HDGFL3: variants seen among roughly 807,000 people sequenced by gnomAD.
The protein encoded by HDGFL3 is hepatoma-derived growth factor-related protein 3.
In HDGFL3, 6 loss-of-function variants were observed where a neutral mutation model predicts 27.6. The observed-to-expected ratio is 0.22, with a 90% CI of 0.12 to 0.43. The LOEUF is 0.43. Ranked by LOEUF, HDGFL3 falls within the 20% of genes least tolerant of loss-of-function variation. The pLI, the probability that HDGFL3 is intolerant of heterozygous loss-of-function variation, is 1.00. For missense variants in HDGFL3, 207 were observed against 250.1 expected (o/e 0.83, Z 1.16); for synonymous variants, 88 against 88.9 (o/e 0.99, Z 0.05).
Position 83,207,210 on chromosome 15 carries a change from T to A in HDGFL3, c.84+121A>T. 3.2e-6 allele frequency: 2 copies of A among 634,538 alleles called. No homozygotes were observed. The highest frequency in any genetic ancestry group is 4.6e-6 in the Non-Finnish European group (2 of 437,464). 39.3% of individuals were successfully genotyped at this position (634,538 alleles called of 1,614,324 possible). A position where few individuals can be genotyped will look rare whatever the true frequency, so the allele number is the denominator to read the frequency against. On this transcript the variant is annotated intron_variant, in intron 1 of 5. Transcript: ENST00000299633. This position sits in a 1 kb window ranked among gnomAD's most constrained non-coding sequence, Gnocchi z 4.8. ...CTTCGTGCCGCGCCGCCCTCAGCCC[T>A]CACCACAGCCGGCCGCGAGCTGCGG...
intron 1 of HDGFL3, among the ~76,000 whole-genome samples, chr15:83,199,482 T>A (rs961601737): frequency 6.6e-6 from 1 of 152,274 alleles, no homozygotes; most frequent in African/African-American, 2.4e-5. Flanking sequence ...TATTTTGCAA[T>A]AGAAACTGAG....
chr15:83,204,019 A>G (rs1261688299), intron 1 of HDGFL3, among the ~76,000 whole-genome samples: 1 of 146,260 alleles, frequency 6.8e-6, no homozygotes, highest in Non-Finnish European at 1.5e-5. Flanking sequence ...AATTAGGCAT[A>G]CTAGATGAGA....
chr15:83,164,466 T>C (rs184603439), intron 1 of HDGFL3, among the ~76,000 whole-genome samples: 72 of 146,972 alleles, frequency 4.9e-4, no homozygotes, highest in Admixed American at 9.6e-4. Flanking sequence ...AAATAATGCA[T>C]AACAGAATTA....
chr15:83,189,119 C>T (rs929110191), intron 1 of HDGFL3, among the ~76,000 whole-genome samples: 3 of 152,128 alleles, frequency 2.0e-5, no homozygotes, highest in African/African-American at 7.2e-5. Context: ...CTACCCCATC[C>T]CTATCTACTC....
At chr15:83,163,736 A>G (rs1217265521) in intron 2 of HDGFL3, 2 of 402,446 alleles carry the variant, frequency 5.0e-6, no homozygotes, top group Non-Finnish European at 8.9e-6. Flanking sequence ...AGGACTTAAA[A>G]GTGTCCTAGA....
chr15:83,181,662 G>A (rs1469069600), intron 1 of HDGFL3, among the ~76,000 whole-genome samples: 1 of 152,180 alleles, frequency 6.6e-6, no homozygotes, highest in African/African-American at 2.4e-5. Context: ...TTTTAGTAGA[G>A]AAAGGGTTTC....
intron 1 of HDGFL3, among the ~76,000 whole-genome samples, chr15:83,202,400 A>T (rs938878246): frequency 6.6e-6 from 1 of 152,174 alleles, no homozygotes; most frequent in African/African-American, 2.4e-5. Flanking sequence ...TTAAAGGAAG[A>T]GAAAGACACT....
chr15:83,169,588 G>C (rs1276726443), intron 1 of HDGFL3, among the ~76,000 whole-genome samples: 1 of 151,938 alleles, frequency 6.6e-6, no homozygotes, highest in Non-Finnish European at 1.5e-5. Context: ...GGTAACTTGA[G>C]GTCAGGAGTT....
intron 1 of HDGFL3, among the ~76,000 whole-genome samples, chr15:83,206,537 G>A (rs962066389): frequency 1.3e-5 from 2 of 152,198 alleles, no homozygotes; most frequent in Non-Finnish European, 1.5e-5. Context: ...TCTAGAAAAA[G>A]AGCCCAACGA....
At position 83,157,399 on chromosome 15, in the gene HDGFL3, G is replaced by A. The variant is rs1418922492; in HGVS notation, c.459+16C>T. ...ATGCATATAACATTAATAACAATGA[G>A]AAGTTTCTTAGTAACCTTTGAAGTA... On this transcript the variant is annotated intron_variant, in intron 4 of 5. Transcript: ENST00000299633. The A allele has an allele frequency of 5.0e-6, 8 of 1,607,802 alleles. No individual in the cohort carries two copies. Among genetic ancestry groups the A allele is most frequent in the Non-Finnish European group, 6.8e-6 (8 of 1,174,986 alleles).
intron 3 of HDGFL3, chr15:83,119,694 A>C (rs1596489394): frequency 6.2e-7 from 1 of 1,613,954 alleles, no homozygotes; most frequent in Non-Finnish European, 8.5e-7. Context: ...AAGTCAGTTC[A>C]CCTGGTGTGT....
At chr15:83,162,095 C>A (rs1161719421) in intron 2 of HDGFL3, among the ~76,000 whole-genome samples, 3 of 152,164 alleles carry the variant, frequency 2.0e-5, no homozygotes, top group Non-Finnish European at 4.4e-5. Context: ...TTTTCACATA[C>A]CTCCCCTGCA....
chr15:83,118,170 G>A (rs1338494319), intron 3 of HDGFL3, among the ~76,000 whole-genome samples: 1 of 152,032 alleles, frequency 6.6e-6, no homozygotes, highest in Non-Finnish European at 1.5e-5. Flanking sequence ...AGACTGCAGT[G>A]AGCAATGATC....
At position 83,207,286 on chromosome 15, in the gene HDGFL3, G is replaced by A; in HGVS notation, c.84+45C>T. 1 of 1,263,628 alleles carries A rather than the reference G, an allele frequency of 7.9e-7. No individual in the cohort carries two copies. Among genetic ancestry groups the A allele is most frequent in the Non-Finnish European group, 1.0e-6 (1 of 978,662 alleles). 78.3% of individuals were successfully genotyped at this position (1,263,628 alleles called of 1,614,324 possible). On this transcript the variant is annotated intron_variant, in intron 1 of 5. Transcript: ENST00000299633. This position sits in a 1 kb window ranked among gnomAD's most constrained non-coding sequence, Gnocchi z 4.8. Reference sequence around the variant, plus strand: ...GGGGGCGGGCGCGCCATCATGAAGGGGAAAATGGTGGGCGGGCGGGCCCGC... The same window carrying A: ...GGGGGCGGGCGCGCCATCATGAAGGAGAAAATGGTGGGCGGGCGGGCCCGC...
At chr15:83,199,012 T>G (rs1249892254) in intron 1 of HDGFL3, among the ~76,000 whole-genome samples, 1 of 152,160 alleles carries the variant, frequency 6.6e-6, no homozygotes, top group Admixed American at 6.5e-5. Context: ...TAGGTTACAG[T>G]CAAAAAACCT....
At chr15:83,196,194 T>C (rs2037569339) in intron 1 of HDGFL3, among the ~76,000 whole-genome samples, 1 of 151,858 alleles carries the variant, frequency 6.6e-6, no homozygotes, top group Non-Finnish European at 1.5e-5. Flanking sequence ...TCAATATATT[T>C]ATATTTGTCC....
In HDGFL3 at chr15:83,207,143, G is replaced by C. The variant is rs910336219; in HGVS notation, c.84+188C>G. On this transcript the variant is annotated intron_variant, in intron 1 of 5. Transcript: ENST00000299633. This position sits in a 1 kb window ranked among gnomAD's most constrained non-coding sequence, Gnocchi z 4.8. ...AAGGATGGCCGCCCTGGCGGAGTGC[G>C]GGCGAGGCCGGGAGCCCTTGCCTCA... 1.3e-5 allele frequency among the ~76,000 whole-genome samples: 2 copies of C among 152,168 alleles called. No individual in the cohort carries two copies. The highest frequency in any genetic ancestry group is 2.9e-5 in the Non-Finnish European group (2 of 68,022).
In HDGFL3 at chr15:83,207,285, G is replaced by T; in HGVS notation, c.84+46C>A. On this transcript the variant is annotated intron_variant, in intron 1 of 5. Transcript: ENST00000299633. The surrounding 1 kb of genome is among the most constrained non-coding windows in gnomAD (Gnocchi z 4.8). Reference sequence around the variant, plus strand: ...AGGGGGCGGGCGCGCCATCATGAAGGGGAAAATGGTGGGCGGGCGGGCCCG... The same window carrying T: ...AGGGGGCGGGCGCGCCATCATGAAGTGGAAAATGGTGGGCGGGCGGGCCCG... The T allele has an allele frequency of 1.6e-6, 2 of 1,259,846 alleles. No homozygotes were observed. Among genetic ancestry groups the T allele is most frequent in the Non-Finnish European group, 2.0e-6 (2 of 976,432 alleles). The allele number at this position is 1,259,846 out of a possible 1,614,324, so 78.0% of individuals were successfully genotyped here. A position where few individuals can be genotyped will look rare whatever the true frequency, so the allele number is the denominator to read the frequency against.
chr15:83,152,038 T>C (rs149734354), intron 4 of HDGFL3, among the ~76,000 whole-genome samples: 2 of 152,324 alleles, frequency 1.3e-5, no homozygotes, highest in African/African-American at 4.8e-5. Context: ...CTTGGCAGCA[T>C]TGCATTAAAA....
Sources: allele counts gnomAD v4.1 joint callset (sites outside exome capture counted in the v4.1 genomes callset), GRCh38; gene constraint gnomAD v4.1.1; non-coding constraint Gnocchi (gnomAD v3.1); transcripts MANE v1.5; gene names NCBI Gene and HGNC (gene_info 2026-07-23, HGNC 2026-07-21).